The following RPS6KB1 variants were observed in gnomAD, a reference collection of about 807,000 sequenced individuals.
RPS6KB1 encodes the protein ribosomal protein S6 kinase B1, also known as ribosomal protein S6 kinase beta-1.
In RPS6KB1, 12 loss-of-function variants were observed where a neutral mutation model predicts 70.2. The observed-to-expected ratio is 0.17, with a 90% CI of 0.11 to 0.28. The LOEUF (loss-of-function observed/expected upper bound fraction) is 0.28. Ranked by LOEUF, RPS6KB1 falls within the 10% of genes least tolerant of loss-of-function variation. The pLI is 1.00. For synonymous variants in RPS6KB1, 175 were observed against 211.2 expected, an observed-to-expected ratio of 0.83 and a Z score of 1.49; for missense variants, 270 against 646.6, an observed-to-expected ratio of 0.42 and a Z score of 6.32.
chr17:59,947,923 T>A lies in RPS6KB1; in HGVS notation c.*1135T>A, dbSNP rs1026763869. Reference sequence around the variant, plus strand: ...ACTTCTTTCTACTGTTTCTGCTGTCTACCTTCCTTATATTTTTTTCCTCAA... The same window carrying A: ...ACTTCTTTCTACTGTTTCTGCTGTCAACCTTCCTTATATTTTTTTCCTCAA... On this transcript the variant is annotated 3_prime_UTR_variant, in exon 15 of 15. Transcript: ENST00000225577. 2 of 295,280 alleles carry A rather than the reference T, an allele frequency of 6.8e-6. No homozygotes were observed. The highest frequency in any genetic ancestry group is 4.3e-5 in the African/African-American group (2 of 46,176). 18.3% of individuals were successfully genotyped at this position (295,280 alleles called of 1,614,324 possible). A position where few individuals can be genotyped will look rare whatever the true frequency, so the allele number is the denominator to read the frequency against.
At chr17:59,926,685 A>G (rs554716876) in intron 5 of RPS6KB1, 103 bp downstream of exon 5, 1 of 997,970 alleles carries the variant, frequency 1.0e-6, no homozygotes, top group East Asian at 2.5e-5. Flanking sequence ...ATGATCAAAT[A>G]GTGCTTAAAA....
intron 12 of RPS6KB1, 133 bp from the exon 13 acceptor site, chr17:59,940,703 T>G (rs2044525605): frequency 2.2e-6 from 1 of 463,292 alleles, no homozygotes; most frequent in South Asian, 4.7e-5. Flanking sequence ...TTCTTCATTC[T>G]GTGCCTGCTA....
chr17:59,925,828 G>T (rs1337073955), intron 4 of RPS6KB1, among the ~76,000 whole-genome samples: 2 of 150,966 alleles, frequency 1.3e-5, no homozygotes, highest in East Asian at 3.9e-4. Flanking sequence ...TACCCTTTTT[G>T]TGGAGAATGG....
intron 1 of RPS6KB1, among the ~76,000 whole-genome samples, chr17:59,902,271 A>G (rs1342128423): frequency 6.6e-6 from 1 of 151,314 alleles, no homozygotes; most frequent in Non-Finnish European, 1.5e-5. Flanking sequence ...CACCTGGCTA[A>G]TTTTTGTATT....
chr17:59,943,905 T>C (rs896502695), intron 13 of RPS6KB1, among the ~76,000 whole-genome samples: 7 of 136,942 alleles, frequency 5.1e-5, no homozygotes, highest in Non-Finnish European at 7.9e-5. Flanking sequence ...TATATATATA[T>C]ACACATATAT....
chr17:59,916,883 T>G (rs548638732), intron 4 of RPS6KB1, among the ~76,000 whole-genome samples: 2 of 152,310 alleles, frequency 1.3e-5, no homozygotes, highest in South Asian at 4.1e-4. Context: ...TTTGAGAATT[T>G]CTTTACATTT....
In RPS6KB1 at chr17:59,893,933, G is replaced by T; in HGVS notation, c.141+608G>T. The T allele has an allele frequency of 1.0e-6, 1 of 973,682 alleles. No homozygotes were observed. The highest frequency in any genetic ancestry group is 1.2e-6 in the Non-Finnish European group (1 of 826,378). The allele number at this position is 973,682 out of a possible 1,614,324, so 60.3% of individuals were successfully genotyped here. ...TCTTCCAATCTTCCAGGGTTTGTTT[G>T]TTTGCTTTTTTTTTTTTACCCCCTT... On this transcript the variant is annotated intron_variant, in intron 1 of 14. Transcript: ENST00000225577. The surrounding 1 kb of genome is among the most constrained non-coding windows in gnomAD (Gnocchi z 4.1).
intron 1 of RPS6KB1, among the ~76,000 whole-genome samples, chr17:59,895,735 C>A (rs8068913): frequency 4.6e-5 from 7 of 151,902 alleles, no homozygotes; most frequent in Non-Finnish European, 4.4e-5. Flanking sequence ...TGAGCTCAAG[C>A]GATTCTCGTG....
intron 2 of RPS6KB1, among the ~76,000 whole-genome samples, chr17:59,911,790 T>C (rs917652351): frequency 6.6e-6 from 1 of 151,530 alleles, no homozygotes; most frequent in African/African-American, 2.4e-5. Context: ...GAGACAGGGT[T>C]TTACCATGTT....
chr17:59,924,804 A>C (rs2043500571), intron 4 of RPS6KB1, among the ~76,000 whole-genome samples: 1 of 150,336 alleles, frequency 6.7e-6, no homozygotes, highest in Non-Finnish European at 1.5e-5. Context: ...AATTTTTCTT[A>C]TTTTTATTTT....
In RPS6KB1 at chr17:59,950,506, T is replaced by C. The variant is rs1209820916; in HGVS notation, c.*3718T>C. ...ATCAGGTGTATAAATGGTTTAAATT[T>C]ATTTTAACATGTCAGATGTGTTCAA... On this transcript the variant is annotated 3_prime_UTR_variant, in exon 15 of 15. Coordinates refer to ENST00000225577, the MANE Select transcript of RPS6KB1 (RefSeq NM_003161.4). The C allele has an allele frequency of 1.0e-4, 11 of 109,598 alleles. No homozygotes were observed. The highest frequency in any genetic ancestry group is 1.0e-3 in the Admixed American group (11 of 11,024). 6.8% of individuals were successfully genotyped at this position (109,598 alleles called of 1,614,324 possible). A position where few individuals can be genotyped will look rare whatever the true frequency, so the allele number is the denominator to read the frequency against.
At position 59,947,175 on chromosome 17, in the gene RPS6KB1, TATA is replaced by T; in HGVS notation, c.*391_*393del. 9.6e-7 allele frequency: 1 copy of T among 1,046,706 alleles called. No homozygotes were observed. The highest frequency in any genetic ancestry group is 1.2e-6 in the Non-Finnish European group (1 of 868,684). The allele number at this position is 1,046,706 out of a possible 1,614,324, so 64.8% of individuals were successfully genotyped here. ...TCATTAGGCAAAGTACAAAATTGCC[TATA>T]ATACTTGCAACTAAGGACAAATTAG... On this transcript the variant is annotated 3_prime_UTR_variant, in exon 15 of 15. Coordinates refer to ENST00000225577, the MANE Select transcript of RPS6KB1 (RefSeq NM_003161.4).
In RPS6KB1 at chr17:59,925,869, C is replaced by T. The variant is rs376939961; in HGVS notation, c.382-566C>T. Among the ~76,000 whole-genome samples, 32 of 152,176 alleles carry T rather than the reference C, an allele frequency of 2.1e-4. 2 individuals carry two copies. The South Asian group carries it at 6.4e-3, about 31-fold the overall frequency. Reference sequence around the variant, plus strand: ...CGCTTGTTACCAGGCAGATCTCGAACTCCTGGGCTCAAGCGATCCTCCTGC... The same window carrying T: ...CGCTTGTTACCAGGCAGATCTCGAATTCCTGGGCTCAAGCGATCCTCCTGC... On this transcript the variant is annotated intron_variant, in intron 4 of 14. Transcript: ENST00000225577.
At chr17:59,894,031 C>T (rs1213014391) in intron 1 of RPS6KB1, 1 of 756,680 alleles carries the variant, frequency 1.3e-6, no homozygotes, top group Non-Finnish European at 1.6e-6. Flanking sequence ...TTGAAGATGT[C>T]TGTATTTTTT....
At chr17:59,901,158 AT>A (rs981190654) in intron 1 of RPS6KB1, among the ~76,000 whole-genome samples, 1 of 147,626 alleles carries the variant, frequency 6.8e-6, no homozygotes, top group East Asian at 2.2e-4. Context: ...GAGACCTTGC[AT>A]TTTTTTTTGA....
At position 59,930,423 on chromosome 17, in the gene RPS6KB1, C is replaced by T; in HGVS notation, c.587+249C>T. ...AACCATTCTCATTGCGGCTTTCTTT[C>T]CTTGAATTGGTAAGCTGCCTGCCTT... is the stretch of plus-strand genomic sequence containing the variant. On this transcript the variant is annotated intron_variant, in intron 6 of 14. Transcript: ENST00000225577. 7.9e-6 allele frequency: 3 copies of T among 379,642 alleles called. No homozygotes were observed. The South Asian group carries it at 1.7e-4, about 21-fold the overall frequency. 23.5% of individuals were successfully genotyped at this position (379,642 alleles called of 1,614,324 possible).
At chr17:59,905,256 C>G (rs1568395178) in intron 1 of RPS6KB1, among the ~76,000 whole-genome samples, 1 of 151,982 alleles carries the variant, frequency 6.6e-6, no homozygotes, top group Non-Finnish European at 1.5e-5. Flanking sequence ...GATATGCCCA[C>G]CTCAGCCTCC....
intron 1 of RPS6KB1, among the ~76,000 whole-genome samples, chr17:59,903,298 C>G (rs1475947137): frequency 6.7e-6 from 1 of 149,348 alleles, no homozygotes; most frequent in Non-Finnish European, 1.5e-5. Flanking sequence ...GAGTGAGACT[C>G]TGTCTCAAAA....
intron 12 of RPS6KB1, among the ~76,000 whole-genome samples, chr17:59,937,533 C>T (rs1194939758): frequency 6.6e-6 from 1 of 152,190 alleles, no homozygotes; most frequent in Non-Finnish European, 1.5e-5. Context: ...TCTCCCCTGG[C>T]TTCTGGTGGT....
Sources: gnomAD v4.1 joint callset for allele counts (sites outside exome capture counted in the v4.1 genomes callset) on GRCh38, gnomAD v4.1.1 for gene constraint, Gnocchi (gnomAD v3.1) non-coding constraint, MANE v1.5 for transcripts, NCBI Gene and HGNC (gene_info 2026-07-23, HGNC 2026-07-21) for gene names.